Variants in BPGM observed in about 807,000 individuals in gnomAD.
BPGM encodes 2,3-bisphosphoglycerate mutase, erythrocyte.
In BPGM, 15 loss-of-function variants were observed where a neutral mutation model predicts 21.6. The ratio of observed to expected loss-of-function variants is 0.70; its 90% CI spans 0.47 to 1.07. The LOEUF is 1.07. Ranked by LOEUF, BPGM falls within the 50% of genes least tolerant of loss-of-function variation. BPGM has a pLI of 0.00. For missense variants in BPGM, 273 were observed against 319.0 expected (o/e 0.86, Z 1.10); for synonymous variants, 113 against 116.2 (o/e 0.97, Z 0.18).
At chr7:134,665,026 G>C (rs1452422432) in intron 2 of BPGM, among the ~76,000 whole-genome samples, 3 of 152,146 alleles carry the variant, frequency 2.0e-5, no homozygotes, top group Non-Finnish European at 2.9e-5. Flanking sequence ...TTGTAGTGAG[G>C]GTTGCACAAC....
At chr7:134,652,302 G>T (rs1314921416) in intron 1 of BPGM, among the ~76,000 whole-genome samples, 1 of 152,010 alleles carries the variant, frequency 6.6e-6, no homozygotes, top group Non-Finnish European at 1.5e-5. Flanking sequence ...GAGGGCTTCT[G>T]GCCTATACCG....
intron 2 of BPGM, among the ~76,000 whole-genome samples, chr7:134,663,828 C>T (rs564165280): frequency 2.0e-5 from 3 of 152,170 alleles, no homozygotes; most frequent in African/African-American, 2.4e-5. Flanking sequence ...CTCTTTAAAA[C>T]GATTCTACAG....
chr7:134,665,127 T>C (rs1344901518), intron 2 of BPGM, among the ~76,000 whole-genome samples: 1 of 152,106 alleles, frequency 6.6e-6, no homozygotes, highest in Non-Finnish European at 1.5e-5. Flanking sequence ...AAATAATCAA[T>C]GGAATTGAAA....
Position 134,661,717 on chromosome 7 carries a change from C to T in BPGM, c.210C>T (p.Ile70=). Residue 70 remains isoleucine, a synonymous_variant, in exon 2 of 3, where the codon ATC becomes ATT. Coordinates refer to ENST00000344924, the MANE Select transcript of BPGM (RefSeq NM_001724.5). The surrounding 1 kb of genome is among the most constrained non-coding windows in gnomAD (Gnocchi z 4.6). ...GGTCCATTCACACAGCCTGGCTGAT[C>T]CTGGAAGAGCTAGGCCAGGAATGGG... ...LNRSIHTAWL[I]LEELGQEWVP... is the part of the protein sequence containing the mutation. 1 of 1,614,060 alleles carries T rather than the reference C, an allele frequency of 6.2e-7. No homozygotes were observed. The highest frequency in any genetic ancestry group is 8.5e-7 in the Non-Finnish European group (1 of 1,180,008).
rs1053863562 is a variant in BPGM, at chr7:134,679,249, C to G, written c.*218C>G. On this transcript the variant is annotated 3_prime_UTR_variant, in exon 3 of 3. Transcript: ENST00000344924. ...ATGAGTTAGCTTTCTTGCTAGCCCCCTAGTCGGTCACCAAACTAGTAACTA... is the reference window on the plus strand; with the variant it reads ...ATGAGTTAGCTTTCTTGCTAGCCCCGTAGTCGGTCACCAAACTAGTAACTA... 5 of 567,940 alleles carry G rather than the reference C, an allele frequency of 8.8e-6. No homozygotes were observed. In the African/African-American group the frequency reaches 9.4e-5, roughly 11 times the overall value. 35.2% of individuals were successfully genotyped at this position (567,940 alleles called of 1,614,324 possible). A position where few individuals can be genotyped will look rare whatever the true frequency, so the allele number is the denominator to read the frequency against.
chr7:134,674,445 A>G (rs754093808), intron 2 of BPGM, among the ~76,000 whole-genome samples: 17 of 151,960 alleles, frequency 1.1e-4, no homozygotes, highest in Non-Finnish European at 2.2e-4. Context: ...CAACTAATCT[A>G]CTTTGTGTCA....
intron 2 of BPGM, among the ~76,000 whole-genome samples, chr7:134,669,191 C>T (rs963011975): frequency 6.6e-6 from 1 of 152,098 alleles, no homozygotes; most frequent in Non-Finnish European, 1.5e-5. Flanking sequence ...GCTATATGCA[C>T]CTATCTGTGC....
intron 2 of BPGM, among the ~76,000 whole-genome samples, chr7:134,668,622 C>T (rs1327977801): frequency 3.3e-5 from 5 of 152,204 alleles, no homozygotes. Flanking sequence ...TCTGAACTCA[C>T]TGGAAAGCTA....
chr7:134,678,804 C>T (rs1487744673), intron 2 of BPGM, 49 bp from the exon 3 acceptor site: 13 of 1,539,974 alleles, frequency 8.4e-6, no homozygotes, highest in Non-Finnish European at 1.1e-5. Context: ...ACAGAACTTC[C>T]TCCTGAGTTG....
chr7:134,663,432 T>C (rs901134199), intron 2 of BPGM, among the ~76,000 whole-genome samples: 1 of 152,156 alleles, frequency 6.6e-6, no homozygotes, highest in Non-Finnish European at 1.5e-5. Flanking sequence ...GTGTATCTTA[T>C]TTACTCAACT....
intron 2 of BPGM, among the ~76,000 whole-genome samples, chr7:134,674,257 ACT>A: frequency 6.6e-6 from 1 of 152,082 alleles, no homozygotes; most frequent in Non-Finnish European, 1.5e-5. Context: ...TAATTCACAT[ACT>A]ATGCAATTCG....
chr7:134,672,435 T>C (rs1258531350), intron 2 of BPGM, among the ~76,000 whole-genome samples: 1 of 152,132 alleles, frequency 6.6e-6, no homozygotes, highest in East Asian at 1.9e-4. Context: ...AAGAATTTAG[T>C]GAATGTTTGT....
intron 1 of BPGM, among the ~76,000 whole-genome samples, chr7:134,649,300 G>A (rs889660284): frequency 1.3e-5 from 2 of 151,926 alleles, no homozygotes; most frequent in African/African-American, 4.8e-5. Context: ...CCAGATTATT[G>A]TAGAAAATTT....
At chr7:134,648,821 A>T (rs1795511308) in intron 1 of BPGM, among the ~76,000 whole-genome samples, 1 of 152,162 alleles carries the variant, frequency 6.6e-6, no homozygotes, top group Non-Finnish European at 1.5e-5. Flanking sequence ...CATCTTTAGA[A>T]AGCAGATGTT....
intron 1 of BPGM, among the ~76,000 whole-genome samples, chr7:134,650,547 A>C (rs1490225927): frequency 6.6e-6 from 1 of 152,218 alleles, no homozygotes; most frequent in Non-Finnish European, 1.5e-5. Flanking sequence ...AAAGTAATAG[A>C]CCATGGAACA....
rs534934708 is a variant in BPGM, at chr7:134,647,026, T to G, written c.-62+89T>G. 3.9e-5 allele frequency: 6 copies of G among 155,072 alleles called. 1 individual carries two copies. The South Asian group carries it at 9.7e-4, about 25-fold the overall frequency. 9.6% of individuals were successfully genotyped at this position (155,072 alleles called of 1,614,324 possible). On this transcript the variant is annotated intron_variant, in intron 1 of 2. Transcript: ENST00000344924. ...TTTTTGGGTGCGGGGAAGGCCAGTT[T>G]CTTTACTTCCCCCGGTTTAGTCGTT...
At chr7:134,663,266 T>TA (rs1795764428) in intron 2 of BPGM, among the ~76,000 whole-genome samples, 1 of 152,226 alleles carries the variant, frequency 6.6e-6, no homozygotes, top group Non-Finnish European at 1.5e-5. Context: ...GACCAAGAAC[T>TA]AAATCATTAC....
chr7:134,655,339 G>A (rs905523182), intron 1 of BPGM, among the ~76,000 whole-genome samples: 2 of 152,012 alleles, frequency 1.3e-5, no homozygotes, highest in Non-Finnish European at 1.5e-5. Context: ...CACCTTGTTC[G>A]TTTGCGTTTG....
chr7:134,651,483 T>C (rs1376998744), intron 1 of BPGM, among the ~76,000 whole-genome samples: 2 of 152,138 alleles, frequency 1.3e-5, no homozygotes, highest in African/African-American at 4.8e-5. Context: ...GGGAGAAATA[T>C]AATGTGAAAT....
Sources: allele counts gnomAD v4.1 joint callset (sites outside exome capture counted in the v4.1 genomes callset), GRCh38; gene constraint gnomAD v4.1.1; non-coding constraint Gnocchi (gnomAD v3.1); transcripts MANE v1.5; gene names NCBI Gene and HGNC (gene_info 2026-07-23, HGNC 2026-07-21).